Variants in PFKFB3 observed in about 807,000 individuals in gnomAD.
PFKFB3 encodes 6-phosphofructo-2-kinase/fructose-2,6-biphosphatase 3.
Under a neutral mutation model 68.0 loss-of-function variants are expected in PFKFB3, and 33 were observed. The observed-to-expected ratio is 0.49, with a 90% CI of 0.37 to 0.65. The LOEUF (loss-of-function observed/expected upper bound fraction) is 0.65. Among genes scored for constraint, PFKFB3 ranks in the 30% least tolerant of loss-of-function variants. The probability of loss-of-function intolerance (pLI) is 0.00; values close to 1 mark genes in which losing one functional copy is unlikely to be tolerated. For synonymous variants in PFKFB3, 315 were observed against 288.2 expected (o/e 1.09, Z -0.94); for missense variants, 586 against 712.2 (o/e 0.82, Z 2.02).
At chr10:6,237,525 CCTT>C (rs1400940634), downstream of PFKFB3, among the ~76,000 whole-genome samples, 1 of 152,206 alleles carries the variant, frequency 6.6e-6, no homozygotes, top group Non-Finnish European at 1.5e-5. Context: ...AAATTCAAAG[CCTT>C]CTGTGAGTTT....
chr10:6,189,910 G>A (rs1842979335), intron 1 of PFKFB3, among the ~76,000 whole-genome samples: 1 of 152,090 alleles, frequency 6.6e-6, no homozygotes, highest in Non-Finnish European at 1.5e-5. Context: ...TAAGGATTCT[G>A]TGGGGAGATA....
chr10:6,203,518 T>C (rs1831129390), intron 1 of PFKFB3, among the ~76,000 whole-genome samples, 182 bp downstream of exon 1: 1 of 150,142 alleles, frequency 6.7e-6, no homozygotes, highest in Non-Finnish European at 1.5e-5. Context: ...CTGTGGCCCT[T>C]GTCCCGGTGG....
At chr10:6,166,643 C>T (rs888009395) in intron 1 of PFKFB3, among the ~76,000 whole-genome samples, 1 of 152,194 alleles carries the variant, frequency 6.6e-6, no homozygotes, top group Admixed American at 6.5e-5. Context: ...GAGGCAGCCT[C>T]CCATCTCACC....
chr10:6,171,436 C>G (rs574454000), intron 1 of PFKFB3, among the ~76,000 whole-genome samples: 1 of 148,640 alleles, frequency 6.7e-6, no homozygotes, highest in East Asian at 2.0e-4. Context: ...CGTTCTGTTG[C>G]TCGGGTTGAA....
intron 1 of PFKFB3, among the ~76,000 whole-genome samples, chr10:6,187,491 G>T (rs931627467): frequency 6.6e-6 from 1 of 152,238 alleles, no homozygotes; most frequent in Admixed American, 6.5e-5. Flanking sequence ...TGTACAGTAA[G>T]TGATGAGATG....
At chr10:6,275,984 A>G in the PFKFB3 span, among the ~76,000 whole-genome samples, 1 of 152,104 alleles carries the variant, frequency 6.6e-6, no homozygotes, top group East Asian at 1.9e-4. The surrounding 1 kb of genome is among the most constrained non-coding windows in gnomAD (Gnocchi z 4.9). Flanking sequence ...TATGCTTGCT[A>G]TTTCATGCTT....
At chr10:6,213,562 C>CCT in intron 1 of PFKFB3, 61 bp from the exon 2 acceptor site, 2 of 1,559,684 alleles carry the variant, frequency 1.3e-6, no homozygotes, top group Non-Finnish European at 1.7e-6. Context: ...TTGGGTGTGG[C>CCT]CTCTGCTCCT....
intron 1 of PFKFB3, among the ~76,000 whole-genome samples, chr10:6,182,152 C>T (rs1366341525): frequency 2.0e-5 from 3 of 152,264 alleles, no homozygotes; most frequent in Non-Finnish European, 2.9e-5. Context: ...TCAGTCTTGG[C>T]GGATTCTTCC....
intron 1 of PFKFB3, among the ~76,000 whole-genome samples, chr10:6,212,666 T>C (rs905439092): frequency 1.3e-5 from 2 of 152,178 alleles, no homozygotes; most frequent in Non-Finnish European, 2.9e-5. Context: ...TAATTATTTT[T>C]TAATTTATTT....
the PFKFB3 span, among the ~76,000 whole-genome samples, chr10:6,323,083 G>A: frequency 1.5e-3 from 234 of 152,288 alleles, no homozygotes; most frequent in African/African-American, 5.4e-3. Context: ...TCATGACCTC[G>A]GAGGCCTTCG....
chr10:6,204,651 G>T (rs1190637673), intron 1 of PFKFB3, among the ~76,000 whole-genome samples: 1 of 152,242 alleles, frequency 6.6e-6, no homozygotes, highest in African/African-American at 2.4e-5. Context: ...GGGGATGTGG[G>T]TGTGTTGCCC....
intron 14 of PFKFB3, 177 bp downstream of exon 14, chr10:6,226,542 C>G: frequency 1.7e-6 from 1 of 593,068 alleles, no homozygotes; most frequent in Non-Finnish European, 2.9e-6. Context: ...CACACACTCA[C>G]GTGTTGAGGG....
intron 14 of PFKFB3, chr10:6,226,596 T>C: frequency 1.8e-6 from 1 of 551,796 alleles, no homozygotes; most frequent in Non-Finnish European, 3.2e-6. Context: ...CTGGGGGCTT[T>C]CCTTGCTGGT....
At chr10:6,237,600 GCT>G (rs1322193600), downstream of PFKFB3, among the ~76,000 whole-genome samples, 1 of 152,186 alleles carries the variant, frequency 6.6e-6, no homozygotes, top group Non-Finnish European at 1.5e-5. Flanking sequence ...ACAGGGTTTT[GCT>G]CTGTCTCCCA....
chr10:6,220,243 AG>A lies in PFKFB3; in HGVS notation c.624-413del, dbSNP rs1200024090. Among the ~76,000 whole-genome samples, 1 of 151,412 alleles carries A rather than the reference AG, an allele frequency of 6.6e-6. No individual in the cohort carries two copies. The highest frequency in any genetic ancestry group is 1.5e-5 in the Non-Finnish European group (1 of 67,872). On this transcript the variant is annotated intron_variant, in intron 7 of 14. Transcript: ENST00000379775. This position sits in a 1 kb window ranked among gnomAD's most constrained non-coding sequence, Gnocchi z 4.1. ...CAGCCTCATGAGTAACTGGGACTAC[AG>A]GTGTGGGTGTCCACGCCCAGCTAAT...
intron 1 of PFKFB3, among the ~76,000 whole-genome samples, chr10:6,195,977 A>G (rs1843165538): frequency 6.6e-6 from 1 of 152,068 alleles, no homozygotes; most frequent in Non-Finnish European, 1.5e-5. Flanking sequence ...CAAGACTTTG[A>G]GAGGAATTTT....
chr10:6,202,105 G>T (rs987912046), upstream of PFKFB3, among the ~76,000 whole-genome samples: 1 of 152,154 alleles, frequency 6.6e-6, no homozygotes, highest in Non-Finnish European at 1.5e-5. Context: ...TCTTCTACTC[G>T]GGGCGATAAA....
intron 1 of PFKFB3, among the ~76,000 whole-genome samples, chr10:6,168,404 A>G (rs1449898652): frequency 1.3e-5 from 2 of 152,182 alleles, no homozygotes; most frequent in Non-Finnish European, 2.9e-5. Context: ...CACCTCCACC[A>G]CTGAGTAGCT....
chr10:6,182,320 T>C (rs1302987526), intron 1 of PFKFB3, among the ~76,000 whole-genome samples: 1 of 150,248 alleles, frequency 6.7e-6, no homozygotes, highest in Non-Finnish European at 1.5e-5. Flanking sequence ...AGACTGGGGG[T>C]CTGGGTGCAG....
Sources: allele counts gnomAD v4.1 joint callset (sites outside exome capture counted in the v4.1 genomes callset), GRCh38; gene constraint gnomAD v4.1.1; non-coding constraint Gnocchi (gnomAD v3.1); transcripts MANE v1.5; gene names NCBI Gene and HGNC (gene_info 2026-07-23, HGNC 2026-07-21).